Variants in TAFA1 observed in about 807,000 individuals in gnomAD.
The protein encoded by TAFA1 is TAFA chemokine like family member 1.
Under a neutral mutation model 18.5 loss-of-function variants are expected in TAFA1, and 4 were observed. The ratio of observed to expected loss-of-function variants is 0.22; its 90% CI spans 0.11 to 0.49. TAFA1 has a LOEUF of 0.49. Among genes scored for constraint, TAFA1 ranks in the 20% least tolerant of loss-of-function variants. The pLI, the probability that TAFA1 is intolerant of heterozygous loss-of-function variation, is 0.98. For missense variants in TAFA1, 147 were observed against 169.0 expected, an observed-to-expected ratio of 0.87 and a Z score of 0.72; for synonymous variants, 56 against 55.2, an observed-to-expected ratio of 1.01 and a Z score of -0.06.
At position 68,456,580 on chromosome 3, in the gene TAFA1, C is replaced by T. The variant is rs115617547; in HGVS notation, c.259+39160C>T. Among the ~76,000 whole-genome samples, 318 of 152,288 alleles carry T rather than the reference C, an allele frequency of 2.1e-3. 1 individual carries two copies. The highest frequency in any genetic ancestry group is 7.1e-3 in the African/African-American group (295 of 41,562). On this transcript the variant is annotated intron_variant, in intron 3 of 4. Transcript: ENST00000478136. Reference sequence around the variant, plus strand: ...GCCATTAATTTCTCCAGGTTTAGATCTTTCACCTTCCTTTTGTTTTACGCT... The same window carrying T: ...GCCATTAATTTCTCCAGGTTTAGATTTTTCACCTTCCTTTTGTTTTACGCT...
chr3:68,539,021 C>G, intron 4 of TAFA1, 141 bp downstream of exon 4: 2 of 812,216 alleles, frequency 2.5e-6, no homozygotes, highest in Admixed American at 6.0e-5. Flanking sequence ...CTATGCAGAT[C>G]AGTGTCCATC....
intron 2 of TAFA1, among the ~76,000 whole-genome samples, chr3:68,211,645 C>T (rs1427969458): frequency 6.6e-6 from 1 of 152,052 alleles, no homozygotes; most frequent in Non-Finnish European, 1.5e-5. Context: ...TTATTTGGCT[C>T]ACAGTTCTCC....
chr3:68,312,154 AG>A (rs2068532328), intron 2 of TAFA1, among the ~76,000 whole-genome samples: 1 of 152,186 alleles, frequency 6.6e-6, no homozygotes, highest in East Asian at 1.9e-4. Context: ...GGCTGCACAC[AG>A]CACGGGGATC....
chr3:68,444,785 T>TAC (rs2071447143), intron 3 of TAFA1, among the ~76,000 whole-genome samples: 1 of 23,400 alleles, frequency 4.3e-5, no homozygotes, highest in Admixed American at 3.8e-4. Flanking sequence ...TATATATATA[T>TAC]ATATATATAT....
intron 2 of TAFA1, among the ~76,000 whole-genome samples, chr3:68,393,208 T>C (rs956123173): frequency 1.3e-5 from 2 of 151,940 alleles, no homozygotes; most frequent in Non-Finnish European, 1.5e-5. Flanking sequence ...CAAACTATCA[T>C]CAGAGAATAC....
At chr3:68,099,812 A>T (rs1559520006) in intron 2 of TAFA1, among the ~76,000 whole-genome samples, 1 of 152,346 alleles carries the variant, frequency 6.6e-6, no homozygotes, top group East Asian at 1.9e-4. Context: ...AATACTACAC[A>T]GCCATAAAAA....
rs760549442 is a variant in TAFA1, at chr3:68,207,640, GAC to G, written c.118+200902_118+200903del. ...ATTTAAGAACTACCAAATGAGCATT[GAC>G]ACACAGTTTGTTGTCAACAATTTTA... On this transcript the variant is annotated intron_variant, in intron 2 of 4. Coordinates refer to ENST00000478136, the MANE Select transcript of TAFA1 (RefSeq NM_213609.4). 1.7e-4 allele frequency among the ~76,000 whole-genome samples: 26 copies of G among 151,956 alleles called. 1 individual carries two copies. The highest frequency in any genetic ancestry group is 1.5e-3 in the Admixed American group (23 of 15,246).
chr3:68,086,791 C>T (rs902020329), intron 2 of TAFA1, among the ~76,000 whole-genome samples: 2 of 152,160 alleles, frequency 1.3e-5, no homozygotes, highest in Non-Finnish European at 2.9e-5. Flanking sequence ...AGACAGTGGA[C>T]TAGTAGAGAG....
chr3:68,294,167 T>A (rs2068164600), intron 2 of TAFA1, among the ~76,000 whole-genome samples: 1 of 152,202 alleles, frequency 6.6e-6, no homozygotes, highest in African/African-American at 2.4e-5. Flanking sequence ...TAATTTTCTA[T>A]GCACAATTCT....
chr3:68,114,079 A>G (rs1189711258), intron 2 of TAFA1, among the ~76,000 whole-genome samples: 1 of 151,704 alleles, frequency 6.6e-6, no homozygotes, highest in African/African-American at 2.4e-5. Flanking sequence ...TAATTTTTGT[A>G]TTTTTAGTAG....
intron 2 of TAFA1, among the ~76,000 whole-genome samples, chr3:68,069,064 A>G (rs1293866347): frequency 6.6e-6 from 1 of 152,190 alleles, no homozygotes; most frequent in South Asian, 2.1e-4. Flanking sequence ...AGTTTTTAAT[A>G]CATATGCTGG....
At chr3:68,408,526 G>A (rs1224083701) in intron 2 of TAFA1, among the ~76,000 whole-genome samples, 2 of 152,078 alleles carry the variant, frequency 1.3e-5, no homozygotes, top group East Asian at 1.9e-4. Flanking sequence ...TCCCGAAAAA[G>A]GATTAATTTA....
chr3:68,024,397 T>A (rs375931410), intron 2 of TAFA1, among the ~76,000 whole-genome samples: 8 of 152,136 alleles, frequency 5.3e-5, no homozygotes, highest in African/African-American at 1.4e-4. Flanking sequence ...TATGGCAATA[T>A]TTTTCCTCTC....
At chr3:68,401,618 A>G (rs2070494127) in intron 2 of TAFA1, among the ~76,000 whole-genome samples, 1 of 152,200 alleles carries the variant, frequency 6.6e-6, no homozygotes, top group South Asian at 2.1e-4. Flanking sequence ...TTCGTCAGTA[A>G]CACTTAGAGG....
chr3:68,403,491 A>G (rs1467146983), intron 2 of TAFA1, among the ~76,000 whole-genome samples: 1 of 152,228 alleles, frequency 6.6e-6, no homozygotes, highest in Non-Finnish European at 1.5e-5. Context: ...CCTGTAGGCC[A>G]AATCTGGTGC....
rs9821874 is a variant in TAFA1 at position 68,543,508 on chromosome 3, C to T, written c.385-978C>T. On this transcript the variant is annotated intron_variant, in intron 4 of 4. Coordinates refer to ENST00000478136, the MANE Select transcript of TAFA1 (RefSeq NM_213609.4). ...CCCTAAAACGAGGAGGTAGAAGACCCCAGATTGCACAATTAACCACTATAG... is the reference window on the plus strand; with the variant it reads ...CCCTAAAACGAGGAGGTAGAAGACCTCAGATTGCACAATTAACCACTATAG... Among the ~76,000 whole-genome samples the T allele has an allele frequency of 6.7e-3, 1,017 of 152,088 alleles. 5 individuals carry two copies. The highest frequency in any genetic ancestry group is 0.021 in the African/African-American group (870 of 41,508).
At chr3:68,175,402 G>A (rs531169285) in intron 2 of TAFA1, among the ~76,000 whole-genome samples, 3 of 152,320 alleles carry the variant, frequency 2.0e-5, no homozygotes, top group Middle Eastern at 6.8e-3. Flanking sequence ...GCAGCCAGGA[G>A]GAAGTCTGTA....
intron 2 of TAFA1, among the ~76,000 whole-genome samples, chr3:68,144,321 T>A (rs2065709887): frequency 6.6e-6 from 1 of 152,166 alleles, no homozygotes; most frequent in Non-Finnish European, 1.5e-5. Flanking sequence ...ATACTATTTA[T>A]CTGATGGTTG....
chr3:68,203,821 G>C (rs767075912), intron 2 of TAFA1, among the ~76,000 whole-genome samples: 1 of 151,630 alleles, frequency 6.6e-6, no homozygotes, highest in African/African-American at 2.4e-5. Flanking sequence ...TAAGAACATA[G>C]TGTTCTGGTA....
Sources: gnomAD v4.1 joint callset for allele counts (sites outside exome capture counted in the v4.1 genomes callset) on GRCh38, gnomAD v4.1.1 for gene constraint, MANE v1.5 for transcripts, NCBI Gene and HGNC (gene_info 2026-07-23, HGNC 2026-07-21) for gene names.